The following RNF180 variants were observed in gnomAD, a reference collection of about 807,000 sequenced individuals.
RNF180 encodes ring finger protein 180.
RNF180 carries 38 observed loss-of-function variants against 59.2 expected under a neutral mutation model. The observed-to-expected ratio is 0.64, with a 90% confidence interval of 0.50 to 0.84. The LOEUF is 0.84. Ranked by LOEUF, RNF180 falls within the 40% of genes least tolerant of loss-of-function variation. The probability of loss-of-function intolerance (pLI) is 0.00; values close to 1 mark genes in which losing one functional copy is unlikely to be tolerated. For missense variants in RNF180, 705 were observed against 700.9 expected, an observed-to-expected ratio of 1.01 and a Z score of -0.07; for synonymous variants, 262 against 240.3, an observed-to-expected ratio of 1.09 and a Z score of -0.84.
chr5:64,366,792 C>T (rs987729975), intron 7 of RNF180, among the ~76,000 whole-genome samples: 1 of 151,236 alleles, frequency 6.6e-6, no homozygotes, highest in Non-Finnish European at 1.5e-5. Flanking sequence ...GAAGTGAAAA[C>T]GAAAGGGATA....
chr5:64,351,829 C>T (rs1487173343), intron 7 of RNF180, among the ~76,000 whole-genome samples: 1 of 152,098 alleles, frequency 6.6e-6, no homozygotes, highest in African/African-American at 2.4e-5. Flanking sequence ...AGGATTTTTG[C>T]ATCAATGTTC....
intron 5 of RNF180, among the ~76,000 whole-genome samples, chr5:64,219,977 T>C (rs1330845994): frequency 6.6e-6 from 1 of 152,140 alleles, no homozygotes; most frequent in Non-Finnish European, 1.5e-5. Flanking sequence ...AATTTTGATG[T>C]TGTTTTTGAA....
At chr5:64,251,156 A>T (rs950468642) in intron 5 of RNF180, among the ~76,000 whole-genome samples, 25 of 152,230 alleles carry the variant, frequency 1.6e-4, no homozygotes, top group African/African-American at 1.4e-4. Context: ...ACATTTTATG[A>T]TAATAGCTCA....
intron 5 of RNF180, among the ~76,000 whole-genome samples, chr5:64,257,450 G>A (rs1266888793): frequency 2.0e-5 from 3 of 152,128 alleles, no homozygotes; most frequent in Non-Finnish European, 4.4e-5. Context: ...TTCTGCATCT[G>A]TTGAGATAAT....
At chr5:64,333,102 T>G (rs1488295802) in intron 7 of RNF180, among the ~76,000 whole-genome samples, 1 of 152,248 alleles carries the variant, frequency 6.6e-6, no homozygotes, top group Non-Finnish European at 1.5e-5. Flanking sequence ...CATACTACTT[T>G]ATAAAGTGGT....
intron 1 of RNF180, among the ~76,000 whole-genome samples, chr5:64,171,543 G>A (rs1463950603): frequency 6.6e-6 from 1 of 152,186 alleles, no homozygotes; most frequent in Non-Finnish European, 1.5e-5. Context: ...TGGTTGGAGT[G>A]AGGGGTGGTC....
intron 7 of RNF180, among the ~76,000 whole-genome samples, chr5:64,334,059 G>C (rs1044816562): frequency 6.6e-6 from 1 of 152,188 alleles, no homozygotes; most frequent in Non-Finnish European, 1.5e-5. Context: ...GGGCCACATA[G>C]AGCAGGGCAG....
chr5:64,216,673 G>A (rs1305433141), intron 4 of RNF180, among the ~76,000 whole-genome samples: 1 of 152,080 alleles, frequency 6.6e-6, no homozygotes, highest in African/African-American at 2.4e-5. Context: ...TTGAATCTTA[G>A]GGATGTAAAT....
intron 5 of RNF180, among the ~76,000 whole-genome samples, chr5:64,301,851 A>C (rs149709612): frequency 0.011 from 1,644 of 151,794 alleles, 8 homozygotes; most frequent in Non-Finnish European, 0.017. Context: ...TCCATTGCCC[A>C]AAGTAAGTCA....
intron 5 of RNF180, among the ~76,000 whole-genome samples, chr5:64,272,306 T>C (rs1741460211): frequency 6.6e-6 from 1 of 151,756 alleles, no homozygotes; most frequent in African/African-American, 2.4e-5. Flanking sequence ...AGTAAATGAG[T>C]AGGAGTTAAC....
chr5:64,372,004 T>C lies in RNF180; in HGVS notation c.*2190T>C, dbSNP rs1237371954. The stretch of plus-strand genomic sequence containing the variant: ...AGCATCTCTCACAGTAAAAACTCAC[T>C]GTCCAATAAAGAGCCAAAGAAAGGA... On this transcript the variant is annotated 3_prime_UTR_variant, in exon 8 of 8. Transcript: ENST00000389100. 6.6e-6 allele frequency: 1 copy of C among 151,648 alleles called. No individual in the cohort carries two copies. Among genetic ancestry groups the C allele is most frequent in the Non-Finnish European group, 1.5e-5 (1 of 67,754 alleles). 9.4% of individuals were successfully genotyped at this position (151,648 alleles called of 1,614,324 possible).
rs558910384 is a variant in RNF180 at position 64,241,064 on chromosome 5, G to A, written c.1227+23668G>A. Reference sequence around the variant, plus strand: ...CATTTTATTAAGTATATATAAATGAGATTCATATGTTGGTCTCTCCCAGTT... The same window carrying A: ...CATTTTATTAAGTATATATAAATGAAATTCATATGTTGGTCTCTCCCAGTT... On this transcript the variant is annotated intron_variant, in intron 5 of 7. Transcript: ENST00000389100. Among the ~76,000 whole-genome samples the A allele has an allele frequency of 3.9e-5, 6 of 152,250 alleles. No individual in the cohort carries two copies. The East Asian group carries it at 1.2e-3, about 29-fold the overall frequency.
intron 7 of RNF180, among the ~76,000 whole-genome samples, chr5:64,335,020 T>C (rs1399533852): frequency 6.6e-6 from 1 of 152,162 alleles, no homozygotes; most frequent in Non-Finnish European, 1.5e-5. Flanking sequence ...GTCTACCACA[T>C]TTGGTATTTT....
intron 5 of RNF180, among the ~76,000 whole-genome samples, chr5:64,291,649 G>A (rs879397990): frequency 1.3e-5 from 2 of 151,588 alleles, no homozygotes; most frequent in Non-Finnish European, 2.9e-5. Flanking sequence ...GAATGGTCTC[G>A]ATCTCCTGAC....
At chr5:64,244,821 G>T (rs557365182) in intron 5 of RNF180, among the ~76,000 whole-genome samples, 2 of 152,276 alleles carry the variant, frequency 1.3e-5, no homozygotes, top group South Asian at 4.2e-4. Flanking sequence ...AGGAAAAAAC[G>T]TTAAGGGCAG....
At chr5:64,256,460 T>A (rs1354040593) in intron 5 of RNF180, among the ~76,000 whole-genome samples, 1 of 152,200 alleles carries the variant, frequency 6.6e-6, no homozygotes, top group African/African-American at 2.4e-5. Context: ...AAATAGGGAA[T>A]CCTTTCCCCA....
chr5:64,339,307 C>G (rs889133602), intron 7 of RNF180, among the ~76,000 whole-genome samples: 2 of 152,008 alleles, frequency 1.3e-5, no homozygotes, highest in African/African-American at 4.8e-5. Context: ...AGGTGACTTT[C>G]TAAGTCAGTT....
intron 6 of RNF180, among the ~76,000 whole-genome samples, chr5:64,328,559 G>C (rs1432850810): frequency 6.6e-6 from 1 of 152,194 alleles, no homozygotes; most frequent in East Asian, 1.9e-4. Context: ...TACATGATGA[G>C]CATGAAAATA....
chr5:64,220,161 G>T (rs1752837232), intron 5 of RNF180, among the ~76,000 whole-genome samples: 1 of 151,658 alleles, frequency 6.6e-6, no homozygotes, highest in Admixed American at 6.6e-5. Flanking sequence ...ATATTTTTAA[G>T]GAAACAGCTT....
Sources: gnomAD v4.1 joint callset for allele counts (sites outside exome capture counted in the v4.1 genomes callset) on GRCh38, gnomAD v4.1.1 for gene constraint, MANE v1.5 for transcripts, NCBI Gene and HGNC (gene_info 2026-07-23, HGNC 2026-07-21) for gene names.